The following RYR3 variants were observed in gnomAD, a reference collection of about 807,000 sequenced individuals.
RYR3 encodes the protein brain ryanodine receptor-calcium release channel.
Under a neutral mutation model 584.3 loss-of-function variants are expected in RYR3, and 207 were observed. The ratio of observed to expected loss-of-function variants is 0.35; its 90% CI spans 0.32 to 0.40. The LOEUF (loss-of-function observed/expected upper bound fraction) is 0.40. Among genes scored for constraint, RYR3 ranks in the 10% least tolerant of loss-of-function variants. The pLI is 1.00. For missense variants in RYR3, 5,616 were observed against 6,089.2 expected (o/e 0.92, Z 2.59); for synonymous variants, 2,416 against 2,248.5 (o/e 1.07, Z -2.11).
chr15:33,522,993 A>C (rs1194259906), intron 3 of RYR3, among the ~76,000 whole-genome samples: 1 of 152,180 alleles, frequency 6.6e-6, no homozygotes, highest in Non-Finnish European at 1.5e-5. Context: ...CTTTGGTGTC[A>C]TTTGAGCTGG....
intron 1 of RYR3, among the ~76,000 whole-genome samples, chr15:33,435,848 T>G (rs1473394666): frequency 1.3e-5 from 2 of 152,178 alleles, no homozygotes; most frequent in Non-Finnish European, 2.9e-5. Flanking sequence ...AGAACAAAGC[T>G]TCCACAGCGT....
chr15:33,838,229 G>C lies in RYR3; in HGVS notation c.12249G>C (p.Glu4083Asp). Residue 4083 changes from glutamate to aspartate, a missense_variant, in exon 89 of 104, where the codon GAG becomes GAC. Around this residue, in one of 9 missense-constraint regions of RYR3, gnomAD observed 258 missense variants for 297.3 expected, o/e 0.87. Transcript: ENST00000634891. ...AAGGTGGGGAGCAGGAAAAGATGGAGCTGTTTGTGAACTTCTGTGAGGACA... is the reference window on the plus strand; with the variant it reads ...AAGGTGGGGAGCAGGAAAAGATGGACCTGTTTGTGAACTTCTGTGAGGACA... ...VNEGGEQEKMELFVNFCEDTI... is the reference protein window; with the variant it reads ...VNEGGEQEKMDLFVNFCEDTI... The C allele has an allele frequency of 3.1e-6, 5 of 1,614,034 alleles. No individual in the cohort carries two copies. The highest frequency in any genetic ancestry group is 4.2e-6 in the Non-Finnish European group (5 of 1,179,898).
At chr15:33,583,249 A>G (rs3794587) in intron 14 of RYR3, among the ~76,000 whole-genome samples, 23,591 of 152,166 alleles carry the variant, frequency 0.16, 2,222 homozygotes, top group East Asian at 0.45. Flanking sequence ...AAATAGGGAT[A>G]TATTTTAGAT....
intron 102 of RYR3, among the ~76,000 whole-genome samples, chr15:33,862,610 C>T (rs1416777861): frequency 6.6e-6 from 1 of 152,104 alleles, no homozygotes; most frequent in South Asian, 2.1e-4. Context: ...AAGTCAAAAA[C>T]ATGAGTTTTG....
chr15:33,797,308 G>A (rs142876126), intron 67 of RYR3, among the ~76,000 whole-genome samples: 269 of 152,182 alleles, frequency 1.8e-3, no homozygotes, highest in Middle Eastern at 0.01. Flanking sequence ...GATCAGCTAG[G>A]TATCTACAAG....
intron 20 of RYR3, among the ~76,000 whole-genome samples, chr15:33,628,031 A>G (rs923363778): frequency 1.3e-5 from 2 of 152,204 alleles, no homozygotes; most frequent in African/African-American, 4.8e-5. Context: ...ATTTTGAAGG[A>G]AAAATAATGA....
At chr15:33,573,828 A>C (rs2058160594) in intron 12 of RYR3, among the ~76,000 whole-genome samples, 1 of 152,250 alleles carries the variant, frequency 6.6e-6, no homozygotes, top group Non-Finnish European at 1.5e-5. Flanking sequence ...CTAGGGTAGA[A>C]TATGAATGCC....
chr15:33,802,235 A>T, intron 69 of RYR3: 1 of 535,366 alleles, frequency 1.9e-6, no homozygotes, highest in East Asian at 4.2e-5. Flanking sequence ...TCCAAAACAA[A>T]AGCTGCTGTT....
chr15:33,583,306 A>G (rs2058685126), intron 14 of RYR3, among the ~76,000 whole-genome samples: 1 of 152,244 alleles, frequency 6.6e-6, no homozygotes, highest in African/African-American at 2.4e-5. Flanking sequence ...GTGTATAGCC[A>G]ACCTTTCCAG....
At chr15:33,525,201 C>A (rs973444952) in intron 3 of RYR3, among the ~76,000 whole-genome samples, 2 of 152,182 alleles carry the variant, frequency 1.3e-5, no homozygotes, top group Non-Finnish European at 2.9e-5. Context: ...TGCTTAATAA[C>A]CCCGCCTTTC....
Position 33,629,961 on chromosome 15 carries a change from C to A in RYR3, c.2701C>A (p.Gln901Lys). ...FGKIRDDNKRQHPCLVEFSKL... is the reference protein window; with the variant it reads ...FGKIRDDNKRKHPCLVEFSKL... The stretch of plus-strand genomic sequence containing the variant: ...CTAGATACGAGATGACAATAAAAGA[C>A]AACACCCTTGCCTTGTGGAGTTTTC... Residue 901 changes from glutamine to lysine, a missense_variant, in exon 22 of 104, where the codon CAA becomes AAA. Physicochemically the swap from Gln to Lys is moderately conservative, Grantham distance 53. Transcript: ENST00000634891. 6.2e-7 allele frequency: 1 copy of A among 1,603,270 alleles called. No homozygotes were observed. Among genetic ancestry groups the A allele is most frequent in the Non-Finnish European group, 8.5e-7 (1 of 1,174,442 alleles).
At chr15:33,401,349 T>A (rs1281389497) in intron 1 of RYR3, among the ~76,000 whole-genome samples, 1 of 152,232 alleles carries the variant, frequency 6.6e-6, no homozygotes, top group Non-Finnish European at 1.5e-5. Flanking sequence ...TCAGGCTGGG[T>A]GGTAACCTTG....
intron 1 of RYR3, among the ~76,000 whole-genome samples, chr15:33,416,906 A>G (rs958304107): frequency 6.6e-6 from 1 of 152,144 alleles, no homozygotes; most frequent in East Asian, 1.9e-4. Context: ...TTTTCTGCAT[A>G]TGGTTAGACA....
intron 21 of RYR3, among the ~76,000 whole-genome samples, chr15:33,629,126 G>A (rs562903969): frequency 6.6e-6 from 1 of 152,308 alleles, no homozygotes; most frequent in South Asian, 2.1e-4. Context: ...CCACACTTGT[G>A]TATTTATATA....
chr15:33,864,434 A>T (rs769609199), intron 103 of RYR3, among the ~76,000 whole-genome samples: 19 of 151,218 alleles, frequency 1.3e-4, no homozygotes, highest in Non-Finnish European at 2.2e-4. Context: ...GGTGGGGAGA[A>T]CATTACAGAG....
chr15:33,816,731 T>A, intron 74 of RYR3, 131 bp from the exon 75 acceptor site: 1 of 568,150 alleles, frequency 1.8e-6, no homozygotes, highest in Non-Finnish European at 3.2e-6. Flanking sequence ...GGTATGCTAC[T>A]GGCTACCCTG....
At chr15:33,854,701 A>C in intron 97 of RYR3, 65 bp from the exon 98 acceptor site, 1 of 1,534,460 alleles carries the variant, frequency 6.5e-7, no homozygotes, top group Non-Finnish European at 8.7e-7. Flanking sequence ...AATAAGAAAA[A>C]ATGTTTTATA....
intron 38 of RYR3, among the ~76,000 whole-genome samples, chr15:33,674,896 A>G (rs948120821): frequency 2.1e-5 from 3 of 146,284 alleles, no homozygotes; most frequent in Non-Finnish European, 4.5e-5. Flanking sequence ...TAAAAAGAAT[A>G]GAATGGGTCA....
intron 38 of RYR3, among the ~76,000 whole-genome samples, chr15:33,679,684 C>T (rs2064444824): frequency 6.6e-6 from 1 of 152,164 alleles, no homozygotes; most frequent in Non-Finnish European, 1.5e-5. Context: ...ACAAAGGACT[C>T]TTATTCCCTG....
Sources: gnomAD v4.1 joint callset for allele counts (sites outside exome capture counted in the v4.1 genomes callset) on GRCh38, gnomAD v4.1.1 for gene constraint, gnomAD v4.1.1 regional missense constraint, MANE v1.5 for transcripts, NCBI Gene and HGNC (gene_info 2026-07-23, HGNC 2026-07-21) for gene names.